Variants in LCA5 observed in about 807,000 individuals in gnomAD.
LCA5 encodes lebercilin LCA5.
In LCA5, 37 loss-of-function variants were observed where a neutral mutation model predicts 53.0. The ratio of observed to expected loss-of-function variants is 0.70; its 90% CI spans 0.54 to 0.92. LCA5 has a LOEUF of 0.92. LCA5 is among the 40% of genes least tolerant of loss of function. LCA5 has a pLI of 0.00. For synonymous variants in LCA5, 303 were observed against 282.9 expected (o/e 1.07, Z -0.71); for missense variants, 806 against 790.5 (o/e 1.02, Z -0.23).
chr6:79,538,026 T>G (rs1425861402), upstream of LCA5, among the ~76,000 whole-genome samples: 9 of 84,130 alleles, frequency 1.1e-4, no homozygotes, highest in African/African-American at 3.9e-4. Context: ...AAGTTTTTTT[T>G]TTTTTTTTTT....
At position 79,524,072 on chromosome 6, in the gene LCA5, C is replaced by G. The variant is rs891638859; in HGVS notation, c.-191-4987G>C. Among the ~76,000 whole-genome samples the G allele has an allele frequency of 7.9e-5, 12 of 152,044 alleles. No individual in the cohort carries two copies. In the South Asian group the frequency reaches 2.5e-3, roughly 32 times the overall value. ...TTTTTTTCCTATTAAGTGGAAAAAACGTTTCTTATATCACTAATATCTACC... is the reference window on the plus strand; with the variant it reads ...TTTTTTTCCTATTAAGTGGAAAAAAGGTTTCTTATATCACTAATATCTACC... On this transcript the variant is annotated intron_variant, in intron 1 of 7. Transcript: ENST00000369846.
intron 2 of LCA5, 149 bp from the exon 3 acceptor site, chr6:79,513,890 T>C (rs1198655411): frequency 1.1e-5 from 8 of 728,052 alleles, no homozygotes; most frequent in Non-Finnish European, 1.8e-5. Flanking sequence ...TATCAAGTTT[T>C]ATTTAGAGCT....
chr6:79,513,843 T>C (rs1766341388), intron 2 of LCA5, 102 bp from the exon 3 acceptor site: 3 of 1,118,482 alleles, frequency 2.7e-6, no homozygotes, highest in Non-Finnish European at 4.0e-6. Context: ...TTAGTTATTT[T>C]TGTCTTTAAG....
At chr6:79,527,683 G>A (rs554587405) in intron 1 of LCA5, among the ~76,000 whole-genome samples, 38 of 152,192 alleles carry the variant, frequency 2.5e-4, no homozygotes, top group African/African-American at 8.2e-4. Context: ...TCTGTCCAAG[G>A]GCTCCCTGCC....
At chr6:79,498,195 T>TATATGC (rs1770036050) in intron 3 of LCA5, among the ~76,000 whole-genome samples, 1 of 151,288 alleles carries the variant, frequency 6.6e-6, no homozygotes, top group Non-Finnish European at 1.5e-5. Flanking sequence ...AGTATGTGTA[T>TATATGC]ATATGCATAT....
intron 1 of LCA5, among the ~76,000 whole-genome samples, chr6:79,528,616 C>A (rs1287312481): frequency 6.6e-6 from 1 of 152,110 alleles, no homozygotes; most frequent in African/African-American, 2.4e-5. Flanking sequence ...TAGGGAGATG[C>A]CTAATGAACT....
intron 1 of LCA5, among the ~76,000 whole-genome samples, chr6:79,523,749 T>C (rs988505984): frequency 6.7e-6 from 1 of 148,970 alleles, no homozygotes; most frequent in Non-Finnish European, 1.5e-5. Context: ...CCCACCAACT[T>C]TCTATGGCAA....
At position 79,513,690 on chromosome 6, in the gene LCA5, ACT is replaced by A. The variant is rs1562106804; in HGVS notation, c.240_241del (p.Val81GlyfsTer9). The A allele has an allele frequency of 6.2e-7, 1 of 1,613,684 alleles. No individual in the cohort carries two copies. The highest frequency in any genetic ancestry group is 1.1e-5 in the South Asian group (1 of 91,070). Reference sequence around the variant, plus strand: ...ATTGAGGCTCTGGGAGCGAAATCCCACTCGGACTCCCTTTCTGTTTGGTAGAC... The same window carrying A: ...ATTGAGGCTCTGGGAGCGAAATCCCACGGACTCCCTTTCTGTTTGGTAGAC... On this transcript the variant is annotated frameshift_variant, in exon 3 of 8. Transcript: ENST00000369846. LOFTEE classifies it high-confidence loss of function.
intron 3 of LCA5, among the ~76,000 whole-genome samples, chr6:79,498,029 G>A (rs1381546900): frequency 6.6e-6 from 1 of 151,534 alleles, no homozygotes; most frequent in Non-Finnish European, 1.5e-5. Flanking sequence ...TAGATTAGAG[G>A]AAATCATTAT....
chr6:79,487,609 A>G lies in LCA5; in HGVS notation c.1489T>C (p.Ser497Pro), dbSNP rs773531972. 68 of 1,613,888 alleles carry G rather than the reference A, an allele frequency of 4.2e-5. 1 individual carries two copies. In the Middle Eastern group the frequency reaches 1.8e-3, roughly 43 times the overall value. The change falls in exon 8 of 8, where the codon TCA (serine) becomes CCA (proline). Residue 497 changes from serine to proline, a missense_variant. Coordinates refer to ENST00000369846, the MANE Select transcript of LCA5 (RefSeq NM_001122769.3). The stretch of plus-strand genomic sequence containing the variant: ...CTTCTCTCTGGGGAGTGTAGTTTTG[A>G]TTCAAAATCAGGTAACAATGGCAAA... ...PVLPLLPDFE[S>P]KLHSPERSPK...
intron 1 of LCA5, among the ~76,000 whole-genome samples, chr6:79,526,449 CAGG>C (rs1766792459): frequency 6.6e-6 from 1 of 152,060 alleles, no homozygotes; most frequent in Non-Finnish European, 1.5e-5. Context: ...GAGGCTGAGG[CAGG>C]AGAATGGCGT....
chr6:79,513,531 T>G lies in LCA5; in HGVS notation c.401A>C (p.Lys134Thr), dbSNP rs200395970. Residue 134 changes from lysine (K) to threonine (T), a missense_variant, in exon 3 of 8, where the codon AAA becomes ACA. By Grantham distance (78) the Lys-to-Thr change is moderately conservative. Transcript: ENST00000369846. ...TCTGTACTGAAGCCTTTTCAAAGATTTATTTTCTTTTAGCAGCTCAGCTAA... is the reference window on the plus strand; with the variant it reads ...TCTGTACTGAAGCCTTTTCAAAGATGTATTTTCTTTTAGCAGCTCAGCTAA... The part of the protein sequence containing the change: ...VKLAELLKEN[K>T]SLKRLQYRQE... 30 of 1,613,818 alleles carry G rather than the reference T, an allele frequency of 1.9e-5. No homozygotes were observed. The highest frequency in any genetic ancestry group is 1.6e-4 in the Middle Eastern group (1 of 6,078).
In LCA5 at chr6:79,492,606, AT is replaced by A; in HGVS notation, c.899del (p.Asn300IlefsTer16). The stretch of plus-strand genomic sequence containing the variant: ...TATTTGGAGAGGACTTTGGCAGACG[AT>A]TAGAATATATATTTTTTATATCCAG... ...RELDIKNIYS[N>X]RLPKSSPNKE... is the part of the protein sequence containing the mutation. On this transcript the variant is annotated frameshift_variant, in exon 5 of 8. Coordinates refer to ENST00000369846, the MANE Select transcript of LCA5 (RefSeq NM_001122769.3). LOFTEE classifies it high-confidence loss of function. 6.4e-7 allele frequency: 1 copy of A among 1,567,358 alleles called. No homozygotes were observed. The highest frequency in any genetic ancestry group is 8.7e-7 in the Non-Finnish European group (1 of 1,143,504).
chr6:79,521,132 C>T (rs981767207), intron 1 of LCA5, among the ~76,000 whole-genome samples: 1 of 151,960 alleles, frequency 6.6e-6, no homozygotes, highest in Admixed American at 6.6e-5. Context: ...GCCACATGTG[C>T]TGGTAGTTAG....
intron 3 of LCA5, among the ~76,000 whole-genome samples, chr6:79,509,754 T>A (rs924354384): frequency 1.3e-5 from 2 of 152,164 alleles, no homozygotes; most frequent in African/African-American, 2.4e-5. Context: ...GAGAGCATTT[T>A]AAAATTGCTC....
At chr6:79,532,866 A>G (rs1270606201) in intron 1 of LCA5, among the ~76,000 whole-genome samples, 1 of 152,050 alleles carries the variant, frequency 6.6e-6, no homozygotes, top group Admixed American at 6.6e-5. Flanking sequence ...CACACCACCC[A>G]CCATTCATTA....
intron 3 of LCA5, among the ~76,000 whole-genome samples, chr6:79,506,447 T>C (rs948916857): frequency 8.5e-5 from 13 of 152,186 alleles, no homozygotes; most frequent in Non-Finnish European, 1.6e-4. Context: ...CTGTTGGTCA[T>C]AGCTATGACT....
At chr6:79,512,037 A>T (rs905006481) in intron 3 of LCA5, among the ~76,000 whole-genome samples, 6 of 152,066 alleles carry the variant, frequency 3.9e-5, no homozygotes, top group African/African-American at 1.4e-4. Context: ...TTATATACAC[A>T]CTCAGCTATT....
chr6:79,497,711 C>A (rs1770019263), intron 3 of LCA5, among the ~76,000 whole-genome samples: 1 of 152,128 alleles, frequency 6.6e-6, no homozygotes, highest in Admixed American at 6.5e-5. Flanking sequence ...GGTGCGGTGG[C>A]TCATGCCTGT....
Sources: gnomAD v4.1 joint callset for allele counts (sites outside exome capture counted in the v4.1 genomes callset) on GRCh38, gnomAD v4.1.1 for gene constraint, MANE v1.5 for transcripts, NCBI Gene and HGNC (gene_info 2026-07-23, HGNC 2026-07-21) for gene names.